Variants in TNKS observed in about 807,000 individuals in gnomAD.
TNKS encodes the protein tankyrase, also known as poly [ADP-ribose] polymerase tankyrase-1.
Under a neutral mutation model 135.8 loss-of-function variants are expected in TNKS, and 72 were observed. The ratio of observed to expected loss-of-function variants is 0.53; its 90% CI spans 0.44 to 0.64. The LOEUF (loss-of-function observed/expected upper bound fraction) is 0.64. Ranked by LOEUF, TNKS falls within the 30% of genes least tolerant of loss-of-function variation. The probability of loss-of-function intolerance (pLI) is 0.00; values close to 1 mark genes in which losing one functional copy is unlikely to be tolerated. For missense variants in TNKS, 1,769 were observed against 1,674.0 expected (o/e 1.06, Z -0.99); for synonymous variants, 849 against 649.3 (o/e 1.31, Z -4.68).
chr8:9,703,830 A>T (rs1803929079), intron 5 of TNKS, among the ~76,000 whole-genome samples: 1 of 152,190 alleles, frequency 6.6e-6, no homozygotes, highest in Admixed American at 6.5e-5. Flanking sequence ...TAAATTAGCA[A>T]AGGTGGAAAA....
rs1460908402 is a variant in TNKS, at chr8:9,756,361, C to G, written c.3153+3735C>G. Reference sequence around the variant, plus strand: ...CCCAAAGTAAAATGACTCTCAGAAGCTAGAGGTAGCTCTTTTTGCAGTGAC... The same window carrying G: ...CCCAAAGTAAAATGACTCTCAGAAGGTAGAGGTAGCTCTTTTTGCAGTGAC... On this transcript the variant is annotated intron_variant, in intron 20 of 26. Coordinates refer to ENST00000310430, the MANE Select transcript of TNKS (RefSeq NM_003747.3). 2.6e-5 allele frequency among the ~76,000 whole-genome samples: 4 copies of G among 152,116 alleles called. No individual in the cohort carries two copies. In the South Asian group the frequency reaches 8.3e-4, roughly 32 times the overall value.
intron 3 of TNKS, among the ~76,000 whole-genome samples, chr8:9,659,479 A>G (rs947267362): frequency 7.9e-5 from 12 of 152,218 alleles, no homozygotes; most frequent in Admixed American, 7.2e-4. Flanking sequence ...CTGCTCCCTA[A>G]TGACTACTGG....
intron 18 of TNKS, among the ~76,000 whole-genome samples, 182 bp downstream of exon 18, chr8:9,748,394 A>G (rs1040747405): frequency 2.6e-5 from 4 of 152,234 alleles, no homozygotes; most frequent in Non-Finnish European, 4.4e-5. Flanking sequence ...AAGACAAACT[A>G]AACAGTAAGT....
At chr8:9,660,214 G>A (rs925275967) in intron 3 of TNKS, among the ~76,000 whole-genome samples, 6 of 152,152 alleles carry the variant, frequency 3.9e-5, no homozygotes, top group East Asian at 1.9e-4. Context: ...AGAAAAAGAC[G>A]GAATCCTCCC....
intron 5 of TNKS, among the ~76,000 whole-genome samples, chr8:9,701,322 T>A (rs961624509): frequency 1.1e-4 from 16 of 152,354 alleles, no homozygotes; most frequent in Non-Finnish European, 1.9e-4. Flanking sequence ...AAATAAAAGT[T>A]ACTGAATGAA....
chr8:9,722,113 A>C (rs1198278626), intron 12 of TNKS, among the ~76,000 whole-genome samples: 1 of 152,082 alleles, frequency 6.6e-6, no homozygotes, highest in East Asian at 1.9e-4. Flanking sequence ...ATAAAGGGAA[A>C]ATAGCAGTAA....
intron 3 of TNKS, among the ~76,000 whole-genome samples, chr8:9,616,664 C>T (rs1799656803): frequency 6.6e-6 from 1 of 152,132 alleles, no homozygotes; most frequent in Admixed American, 6.6e-5. Context: ...CTTAATTACT[C>T]TGCATAGAAA....
Position 9,598,755 on chromosome 8 carries a change from A to ATGTG in TNKS, c.899-16819_899-16816dup, listed in dbSNP as rs1220199241. Among the ~76,000 whole-genome samples, 244 of 71,384 alleles carry ATGTG rather than the reference A, an allele frequency of 3.4e-3. 4 individuals carry two copies. Among genetic ancestry groups the ATGTG allele is most frequent in the Non-Finnish European group, 5.7e-3 (199 of 35,076 alleles). 46.8% of individuals were successfully genotyped at this position (71,384 alleles called of 152,430 possible). On this transcript the variant is annotated intron_variant, in intron 2 of 26. Coordinates refer to ENST00000310430, the MANE Select transcript of TNKS (RefSeq NM_003747.3). ...TGTGTCTGTGTGTGTATATATGTAT[A>ATGTG]TGTGTGTGTGTATATATATATATAT...
intron 15 of TNKS, 60 bp downstream of exon 15, chr8:9,733,504 T>G: frequency 7.1e-7 from 1 of 1,416,848 alleles, no homozygotes; most frequent in South Asian, 1.2e-5. Flanking sequence ...GGTTATTACT[T>G]GAAAGTAAGT....
rs549542312 is a variant in TNKS, at chr8:9,706,403, A to C, written c.1269+150A>C. The C allele has an allele frequency of 6.4e-6, 4 of 627,798 alleles. No individual in the cohort carries two copies. The East Asian group carries it at 1.3e-4, about 20-fold the overall frequency. The allele number at this position is 627,798 out of a possible 1,614,324, so 38.9% of individuals were successfully genotyped here. A position where few individuals can be genotyped will look rare whatever the true frequency, so the allele number is the denominator to read the frequency against. On this transcript the variant is annotated intron_variant, in intron 7 of 26. Coordinates refer to ENST00000310430, the MANE Select transcript of TNKS (RefSeq NM_003747.3). ...TTTTGAGACAGGGTCTTGCCCTGTC[A>C]CCCAGGCTGGAGTGCAGTGGCACAT...
At chr8:9,584,020 C>T (rs528557346) in intron 2 of TNKS, among the ~76,000 whole-genome samples, 10 of 151,336 alleles carry the variant, frequency 6.6e-5, no homozygotes, top group East Asian at 2.0e-4. Flanking sequence ...AAAAATTAGC[C>T]GGGCGTGGTG....
intron 20 of TNKS, among the ~76,000 whole-genome samples, 155 bp downstream of exon 20, chr8:9,752,781 C>A (rs1368805270): frequency 6.6e-6 from 1 of 151,794 alleles, no homozygotes; most frequent in African/African-American, 2.4e-5. Flanking sequence ...AAAGCGAGAC[C>A]CCCATCTCTA....
intron 11 of TNKS, among the ~76,000 whole-genome samples, chr8:9,712,543 G>GT: frequency 6.6e-6 from 1 of 152,156 alleles, no homozygotes; most frequent in African/African-American, 2.4e-5. Context: ...ATTTTTATAA[G>GT]TTTTTTTAAA....
At chr8:9,593,422 A>G (rs766907044) in intron 2 of TNKS, among the ~76,000 whole-genome samples, 2 of 152,242 alleles carry the variant, frequency 1.3e-5, no homozygotes, top group Admixed American at 6.5e-5. Flanking sequence ...TCATTTAAGA[A>G]TACATCATAC....
chr8:9,664,230 C>G (rs532007690), intron 3 of TNKS, among the ~76,000 whole-genome samples: 2 of 152,138 alleles, frequency 1.3e-5, no homozygotes, highest in Non-Finnish European at 2.9e-5. Context: ...TGCTTCCACT[C>G]CTGGCAGAAG....
chr8:9,722,866 A>G (rs941323944), intron 12 of TNKS, among the ~76,000 whole-genome samples: 4 of 152,162 alleles, frequency 2.6e-5, no homozygotes. Context: ...TATTGAATAA[A>G]TCAAGCATAT....
At chr8:9,636,106 G>A (rs1375835206) in intron 3 of TNKS, among the ~76,000 whole-genome samples, 1 of 152,182 alleles carries the variant, frequency 6.6e-6, no homozygotes, top group East Asian at 1.9e-4. Context: ...ATGTATTGCA[G>A]CCTTCTCAAA....
chr8:9,710,093 G>C, intron 10 of TNKS, 47 bp downstream of exon 10: 1 of 1,610,834 alleles, frequency 6.2e-7, no homozygotes, highest in Non-Finnish European at 8.5e-7. Flanking sequence ...AAGAGGAAAT[G>C]CAATAAAAGA....
chr8:9,600,665 A>T (rs1798983781), intron 2 of TNKS, among the ~76,000 whole-genome samples: 1 of 152,094 alleles, frequency 6.6e-6, no homozygotes, highest in African/African-American at 2.4e-5. Flanking sequence ...CCACTGACGT[A>T]CTTGGAAAAA....
Sources: gnomAD v4.1 joint callset for allele counts (sites outside exome capture counted in the v4.1 genomes callset) on GRCh38, gnomAD v4.1.1 for gene constraint, MANE v1.5 for transcripts, NCBI Gene and HGNC (gene_info 2026-07-23, HGNC 2026-07-21) for gene names.